Variants in EXOSC4 observed in about 807,000 individuals in gnomAD.
The protein encoded by EXOSC4 is exosome complex component RRP41.
In EXOSC4, 14 loss-of-function variants were observed where a neutral mutation model predicts 20.0. The ratio of observed to expected loss-of-function variants is 0.70; its 90% CI spans 0.46 to 1.09. The LOEUF (loss-of-function observed/expected upper bound fraction) is 1.09. EXOSC4 is among the 50% of genes least tolerant of loss of function. The pLI is 0.00. For synonymous variants in EXOSC4, 148 were observed against 146.4 expected, an observed-to-expected ratio of 1.01 and a Z score of -0.08; for missense variants, 337 against 334.0, an observed-to-expected ratio of 1.01 and a Z score of -0.07.
the EXOSC4 span, among the ~76,000 whole-genome samples, chr8:144,067,778 C>T: frequency 4.6e-5 from 7 of 152,182 alleles, no homozygotes; most frequent in Admixed American, 1.3e-4. Context: ...GAGGCTGAGG[C>T]GGATGGATCA....
chr8:144,075,343 C>A (rs964341739), upstream of EXOSC4, among the ~76,000 whole-genome samples: 14 of 152,238 alleles, frequency 9.2e-5, no homozygotes, highest in East Asian at 2.1e-3. Context: ...TCTCCTGCCT[C>A]AGCCTCCCGA....
chr8:144,071,134 T>C, the EXOSC4 span, among the ~76,000 whole-genome samples: 1 of 150,158 alleles, frequency 6.7e-6, no homozygotes, highest in Middle Eastern at 3.5e-3. Flanking sequence ...GTTGATGTGA[T>C]ATACGCTCTA....
chr8:144,069,563 C>A, the EXOSC4 span, among the ~76,000 whole-genome samples: 1 of 152,242 alleles, frequency 6.6e-6, no homozygotes, highest in Non-Finnish European at 1.5e-5. Context: ...CTTGGAATGA[C>A]ATTCAGGGCC....
upstream of EXOSC4, among the ~76,000 whole-genome samples, chr8:144,075,292 T>C (rs1326943798): frequency 2.0e-5 from 3 of 152,050 alleles, no homozygotes; most frequent in African/African-American, 7.2e-5. Flanking sequence ...AGTGGTGCGA[T>C]TTCGGCTCAC....
Position 144,080,470 on chromosome 8 carries a change from G to A in EXOSC4, c.607G>A (p.Ala203Thr), listed in dbSNP as rs1381279792. Residue 203 changes from alanine to threonine, a missense_variant, in exon 3 of 3, where the codon GCC becomes ACC. Transcript: ENST00000316052. The surrounding 1 kb of genome is among the most constrained non-coding windows in gnomAD (Gnocchi z 4.9). ...ACAGATTGCGCTGCTTGAGATGGAT[G>A]CCCGGCTGCACGAGGACCACCTGGA... ...SGQIALLEMD[A>T]RLHEDHLERV... The A allele has an allele frequency of 5.6e-6, 9 of 1,608,614 alleles. No homozygotes were observed. In the Admixed American group the frequency reaches 1.2e-4, roughly 21 times the overall value.
chr8:144,065,595 C>T, the EXOSC4 span, among the ~76,000 whole-genome samples: 137 of 151,834 alleles, frequency 9.0e-4, no homozygotes, highest in African/African-American at 2.8e-3. Flanking sequence ...ATTAGCTGGC[C>T]GCGATGGCAG....
the EXOSC4 span, among the ~76,000 whole-genome samples, chr8:144,064,420 C>T: frequency 6.6e-5 from 10 of 152,244 alleles, no homozygotes; most frequent in African/African-American, 9.6e-5. Flanking sequence ...TGCGTGGCTG[C>T]CCTGCAGGAT....
At chr8:144,068,644 T>G in the EXOSC4 span, among the ~76,000 whole-genome samples, 1 of 152,342 alleles carries the variant, frequency 6.6e-6, no homozygotes, top group East Asian at 1.9e-4. Context: ...CAAGAAGCAT[T>G]TATTCAAGAA....
upstream of EXOSC4, among the ~76,000 whole-genome samples, chr8:144,077,060 C>T (rs531566815): frequency 3.5e-5 from 5 of 144,608 alleles, no homozygotes; most frequent in African/African-American, 1.1e-4. Flanking sequence ...GACAGTGAGA[C>T]TCCATCTCCA....
the EXOSC4 span, among the ~76,000 whole-genome samples, chr8:144,071,030 A>G: frequency 6.6e-6 from 1 of 152,158 alleles, no homozygotes; most frequent in African/African-American, 2.4e-5. Flanking sequence ...ACTGTGGGGC[A>G]AACAGACACA....
the EXOSC4 span, among the ~76,000 whole-genome samples, chr8:144,065,450 C>T: frequency 3.3e-5 from 5 of 152,106 alleles, no homozygotes; most frequent in East Asian, 1.9e-4. Context: ...AATTCTCGGC[C>T]GGGTGCAGGG....
chr8:144,079,005 G>T, intron 1 of EXOSC4, 106 bp downstream of exon 1: 2 of 1,241,470 alleles, frequency 1.6e-6, no homozygotes, highest in Non-Finnish European at 2.1e-6. Context: ...GCGCGCCTCA[G>T]TCTACACAGC....
At chr8:144,072,391 G>C in the EXOSC4 span, among the ~76,000 whole-genome samples, 1 of 152,144 alleles carries the variant, frequency 6.6e-6, no homozygotes, top group East Asian at 1.9e-4. Context: ...ATGGTGGCCA[G>C]GCTGGTCTTG....
upstream of EXOSC4, among the ~76,000 whole-genome samples, chr8:144,074,423 G>A (rs556698919): frequency 4.6e-5 from 7 of 152,216 alleles, no homozygotes; most frequent in Middle Eastern, 3.4e-3. Context: ...AATGGCTTCC[G>A]GAAACACCCA....
At position 144,079,878 on chromosome 8, in the gene EXOSC4, C is replaced by T. The variant is rs371454670; in HGVS notation, c.172-65C>T. 42 of 1,496,368 alleles carry T rather than the reference C, an allele frequency of 2.8e-5. No individual in the cohort carries two copies. In the African/African-American group the frequency reaches 5.4e-4, roughly 19 times the overall value. 92.7% of individuals were successfully genotyped at this position (1,496,368 alleles called of 1,614,324 possible). ...TTGAAAGTGGAGGGAGAGGCAGACC[C>T]ACAGAGGACAGTGGAGTGTGAGCTG... is the stretch of plus-strand genomic sequence containing the variant. On this transcript the variant is annotated intron_variant, in intron 1 of 2. Coordinates refer to ENST00000316052, the MANE Select transcript of EXOSC4 (RefSeq NM_019037.3).
At chr8:144,075,699 G>C (rs1438710510), upstream of EXOSC4, among the ~76,000 whole-genome samples, 2 of 152,204 alleles carry the variant, frequency 1.3e-5, no homozygotes, top group Non-Finnish European at 2.9e-5. Context: ...AGAAGGTTAC[G>C]TTATAAAAAG....
At chr8:144,076,472 T>C (rs782718138), upstream of EXOSC4, among the ~76,000 whole-genome samples, 3 of 152,148 alleles carry the variant, frequency 2.0e-5, no homozygotes, top group Non-Finnish European at 4.4e-5. Context: ...AATCGACCCA[T>C]GTGTGTACCC....
chr8:144,068,321 T>A, the EXOSC4 span, among the ~76,000 whole-genome samples: 8 of 152,350 alleles, frequency 5.3e-5, no homozygotes, highest in Admixed American at 5.2e-4. Flanking sequence ...TCCCTGCCTG[T>A]CAGAATGGCC....
chr8:144,080,225 C>G lies in EXOSC4; in HGVS notation c.379-17C>G, dbSNP rs200347210. ...GGGGAGGGAGTCTGATAGACTGACA[C>G]CCTGGGTTCCCTGCAGGTGCTACAG... On this transcript the variant is annotated splice_polypyrimidine_tract_variant and intron_variant, in intron 2 of 2. Coordinates refer to ENST00000316052, the MANE Select transcript of EXOSC4 (RefSeq NM_019037.3). The surrounding 1 kb of genome is among the most constrained non-coding windows in gnomAD (Gnocchi z 4.9). 1 of 1,611,114 alleles carries G rather than the reference C, an allele frequency of 6.2e-7. No homozygotes were observed. Among genetic ancestry groups the G allele is most frequent in the Non-Finnish European group, 8.5e-7 (1 of 1,178,146 alleles).
Sources: gnomAD v4.1 joint callset for allele counts (sites outside exome capture counted in the v4.1 genomes callset) on GRCh38, gnomAD v4.1.1 for gene constraint, Gnocchi (gnomAD v3.1) non-coding constraint, MANE v1.5 for transcripts, NCBI Gene and HGNC (gene_info 2026-07-23, HGNC 2026-07-21) for gene names.